The following SCNN1B variants were observed in gnomAD, a reference collection of about 807,000 sequenced individuals.
SCNN1B encodes the protein sodium channel epithelial 1 subunit beta.
A neutral mutation model predicts 65.3 loss-of-function variants in SCNN1B; 46 were observed. The ratio of observed to expected loss-of-function variants is 0.70; its 90% CI spans 0.56 to 0.90. The LOEUF is 0.90. SCNN1B is among the 40% of genes least tolerant of loss of function. The pLI is 0.00. For synonymous variants in SCNN1B, 349 were observed against 330.6 expected (o/e 1.06, Z -0.60); for missense variants, 751 against 830.5 (o/e 0.90, Z 1.18).
At chr16:23,335,605 C>G (rs978871635) in intron 1 of SCNN1B, among the ~76,000 whole-genome samples, 1 of 151,960 alleles carries the variant, frequency 6.6e-6, no homozygotes, top group Non-Finnish European at 1.5e-5. Context: ...TGCCACCATG[C>G]CCAGCTAATA....
At chr16:23,318,625 A>G (rs1961522717) in intron 1 of SCNN1B, among the ~76,000 whole-genome samples, 2 of 152,212 alleles carry the variant, frequency 1.3e-5, no homozygotes, top group African/African-American at 4.8e-5. Context: ...AAAATAAAAT[A>G]AAATAAAGAC....
chr16:23,288,445 C>T (rs1215860762), intron 2 of SCNN1B, among the ~76,000 whole-genome samples: 1 of 152,164 alleles, frequency 6.6e-6, no homozygotes, highest in Non-Finnish European at 1.5e-5. Context: ...TTCTGCCAGT[C>T]AGGAACCCCA....
chr16:23,325,185 T>C (rs1379767322), intron 1 of SCNN1B, among the ~76,000 whole-genome samples: 1 of 152,212 alleles, frequency 6.6e-6, no homozygotes, highest in Non-Finnish European at 1.5e-5. Flanking sequence ...AAAAGAGTTG[T>C]CAGGCTGCTA....
chr16:23,321,828 C>A (rs1372977344), intron 1 of SCNN1B, among the ~76,000 whole-genome samples: 3 of 152,034 alleles, frequency 2.0e-5, no homozygotes, highest in Admixed American at 6.5e-5. Context: ...TTTGAGATCA[C>A]CCTAGACAAC....
At chr16:23,374,361 G>C (rs1405354595) in intron 7 of SCNN1B, among the ~76,000 whole-genome samples, 4 of 150,344 alleles carry the variant, frequency 2.7e-5, no homozygotes, top group Non-Finnish European at 4.4e-5. Context: ...ATCACTTGAG[G>C]TCAGGAGTTC....
At chr16:23,376,461 G>A (rs936074051) in intron 8 of SCNN1B, among the ~76,000 whole-genome samples, 5 of 152,062 alleles carry the variant, frequency 3.3e-5, no homozygotes, top group Admixed American at 6.6e-5. Flanking sequence ...TCTGCAAGGC[G>A]CTGGGTGGAA....
At chr16:23,353,123 G>T in intron 3 of SCNN1B, 49 bp downstream of exon 3, 1 of 1,585,502 alleles carries the variant, frequency 6.3e-7, no homozygotes. Context: ...ACCCAGTGAG[G>T]CTGATGGGTG....
intron 1 of SCNN1B, among the ~76,000 whole-genome samples, chr16:23,303,091 G>T (rs1316804760): frequency 6.6e-6 from 1 of 152,180 alleles, no homozygotes; most frequent in Non-Finnish European, 1.5e-5. Context: ...AGTTGTCTGC[G>T]CTGAGGATTC....
At chr16:23,317,180 G>T (rs1345268898) in intron 1 of SCNN1B, among the ~76,000 whole-genome samples, 1 of 152,220 alleles carries the variant, frequency 6.6e-6, no homozygotes, top group African/African-American at 2.4e-5. Context: ...CAGCGGCCTT[G>T]TCTGTAAAAT....
chr16:23,368,059 GGGGACCAAGGCATCAAGAGGA>G (rs1280879025), intron 5 of SCNN1B, 100 bp downstream of exon 5: 1 of 957,338 alleles, frequency 1.0e-6, no homozygotes, highest in Admixed American at 1.7e-5. Context: ...GGGACTGAGG[GGGGACCAAGGCATCAAGAGGA>G]GTGGCTGCTA....
intron 7 of SCNN1B, 79 bp from the exon 8 acceptor site, chr16:23,375,659 T>G: frequency 9.7e-7 from 1 of 1,032,868 alleles, no homozygotes; most frequent in Admixed American, 1.7e-5. Flanking sequence ...ATCACTTCTC[T>G]GGACACCCCT....
At chr16:23,372,744 G>A (rs1332969720) in intron 7 of SCNN1B, among the ~76,000 whole-genome samples, 3 of 148,384 alleles carry the variant, frequency 2.0e-5, no homozygotes, top group Admixed American at 6.8e-5. Context: ...CCACCGCCTC[G>A]GCCTCCCAAA....
intron 2 of SCNN1B, among the ~76,000 whole-genome samples, chr16:23,296,335 G>A (rs1052046238): frequency 6.6e-6 from 1 of 152,106 alleles, no homozygotes; most frequent in Non-Finnish European, 1.5e-5. Flanking sequence ...CCAGAAAATC[G>A]GGAAATTGGC....
At position 23,319,101 on chromosome 16, in the gene SCNN1B, C is replaced by T. The variant is rs188670915; in HGVS notation, c.-9+16664C>T. Among the ~76,000 whole-genome samples the T allele has an allele frequency of 2.9e-3, 431 of 150,704 alleles. 1 individual carries two copies. The highest frequency in any genetic ancestry group is 0.01 in the African/African-American group (421 of 41,042). ...CTGTGCCCAGGCTGGAGTGCAGTGG[C>T]GCGATCTCAGCTTACTGCAACCTCC... On this transcript the variant is annotated intron_variant, in intron 1 of 12. Transcript: ENST00000343070.
At chr16:23,311,953 C>A (rs571708499) in intron 1 of SCNN1B, among the ~76,000 whole-genome samples, 9 of 149,228 alleles carry the variant, frequency 6.0e-5, no homozygotes, top group East Asian at 2.1e-4. Flanking sequence ...CACCCACCCT[C>A]CCTCCCTGGT....
chr16:23,367,118 C>T (rs1306501137), intron 4 of SCNN1B, among the ~76,000 whole-genome samples: 1 of 152,118 alleles, frequency 6.6e-6, no homozygotes, highest in Non-Finnish European at 1.5e-5. Context: ...TGATTTCGGG[C>T]CCACCTGGAT....
At chr16:23,292,715 G>A (rs1020217312) in intron 2 of SCNN1B, among the ~76,000 whole-genome samples, 5 of 149,602 alleles carry the variant, frequency 3.3e-5, no homozygotes, top group Admixed American at 2.0e-4. Flanking sequence ...TGTTGCCCAG[G>A]CTGGTCTCGA....
At chr16:23,370,699 AG>A (rs1300647554) in intron 5 of SCNN1B, among the ~76,000 whole-genome samples, 1 of 152,226 alleles carries the variant, frequency 6.6e-6, no homozygotes, top group Non-Finnish European at 1.5e-5. Context: ...ACGTTTCTGG[AG>A]GAAGTGATGC....
At chr16:23,331,907 G>A (rs2142001659) in intron 1 of SCNN1B, among the ~76,000 whole-genome samples, 1 of 152,278 alleles carries the variant, frequency 6.6e-6, no homozygotes, top group East Asian at 1.9e-4. Context: ...GCTAAGGACA[G>A]GGCATTATAA....
Sources: allele counts gnomAD v4.1 joint callset (sites outside exome capture counted in the v4.1 genomes callset), GRCh38; gene constraint gnomAD v4.1.1; transcripts MANE v1.5; gene names NCBI Gene and HGNC (gene_info 2026-07-23, HGNC 2026-07-21).